PTPDC1: variants seen among roughly 807,000 people sequenced by gnomAD.
PTPDC1 encodes protein tyrosine phosphatase domain-containing protein 1.
In PTPDC1, 53 loss-of-function variants were observed where a neutral mutation model predicts 75.3. That is an observed-to-expected ratio of 0.70 (90% CI 0.56 to 0.88). The LOEUF (loss-of-function observed/expected upper bound fraction) is 0.88, where lower values mean the gene tolerates loss of function less well. Among genes scored for constraint, PTPDC1 ranks in the 40% least tolerant of loss-of-function variants. The pLI, the probability that PTPDC1 is intolerant of heterozygous loss-of-function variation, is 0.00. For synonymous variants in PTPDC1, 349 were observed against 366.2 expected (o/e 0.95, Z 0.54); for missense variants, 925 against 998.6 (o/e 0.93, Z 0.99).
chr9:94,031,892 T>C (rs1259215446), intron 1 of PTPDC1, among the ~76,000 whole-genome samples: 1 of 152,192 alleles, frequency 6.6e-6, no homozygotes, highest in African/African-American at 2.4e-5. Flanking sequence ...ATACTAGCAT[T>C]CATAGATTGA....
upstream of PTPDC1, among the ~76,000 whole-genome samples, chr9:94,082,747 C>A (rs1239956190): frequency 6.6e-6 from 1 of 152,146 alleles, no homozygotes; most frequent in African/African-American, 2.4e-5. Flanking sequence ...CACAGGGTCA[C>A]TGACTGTACG....
In PTPDC1 at chr9:94,098,304, C is replaced by T; in HGVS notation, c.1738C>T (p.Gln580Ter). ...TGCTCACCAGCAAGTGTCTCACTGT[C>T]AGTGTAAAACTCATGGTGTTGGGAG... Reference protein sequence around the residue: ...NPAHQQVSHCQCKTHGVGSPG... With the variant: ...NPAHQQVSHC The change falls in exon 6 of 9, where the codon CAG becomes TAG. Residue 580 changes from glutamine (Q) to a stop codon, truncating the protein, a stop_gained. Transcript: ENST00000620992. LOFTEE classifies it high-confidence loss of function. 6.2e-7 allele frequency: 1 copy of T among 1,614,240 alleles called. No individual in the cohort carries two copies. Among genetic ancestry groups the T allele is most frequent in the Non-Finnish European group, 8.5e-7 (1 of 1,180,052 alleles).
chr9:94,077,635 C>A (rs539357203), intron 2 of PTPDC1, among the ~76,000 whole-genome samples: 39 of 152,272 alleles, frequency 2.6e-4, no homozygotes, highest in Non-Finnish European at 4.4e-4. Context: ...CCCAAGTGTG[C>A]CACCCTCCAG....
rs1307488353 is a variant in PTPDC1 at position 94,045,553 on chromosome 9, G to A, written c.-7+14426G>A. ...TCGCCATTCTAACTGGTGTGAGATGGTATCTCATTGTGGTTTTGATTTGCA... is the reference window on the plus strand; with the variant it reads ...TCGCCATTCTAACTGGTGTGAGATGATATCTCATTGTGGTTTTGATTTGCA... On this transcript the variant is annotated intron_variant, in intron 1 of 9. Transcript: ENST00000375360. Among the ~76,000 whole-genome samples, 4 of 152,146 alleles carry A rather than the reference G, an allele frequency of 2.6e-5. 1 individual carries two copies. In the Middle Eastern group the frequency reaches 0.01, roughly 391 times the overall value.
chr9:94,031,254 A>G (rs1226297053), intron 1 of PTPDC1: 4 of 152,150 alleles, frequency 2.6e-5, no homozygotes, highest in Admixed American at 6.5e-5. Flanking sequence ...GCTTGAAACT[A>G]AAGTTTAAAG....
Position 94,085,383 on chromosome 9 carries a change from G to C in PTPDC1, c.377G>C (p.Ser126Thr). Residue 126 changes from serine to threonine, a missense_variant, in exon 2 of 9, where the codon AGT becomes ACT. Coordinates refer to ENST00000620992, the MANE Select transcript of PTPDC1 (RefSeq NM_001253829.2). ...AAGTATGAGAACCCAGCCCGCTGGAGTGAGCAGGAGCAAGCCATTAAGGGG... is the reference window on the plus strand; with the variant it reads ...AAGTATGAGAACCCAGCCCGCTGGACTGAGCAGGAGCAAGCCATTAAGGGG... ...ACKYENPARW[S>T]EQEQAIKGVY... 6.2e-7 allele frequency: 1 copy of C among 1,614,222 alleles called. No homozygotes were observed. The highest frequency in any genetic ancestry group is 8.5e-7 in the Non-Finnish European group (1 of 1,180,044).
chr9:94,083,906 T>C (rs1341634396), upstream of PTPDC1, among the ~76,000 whole-genome samples: 3 of 152,190 alleles, frequency 2.0e-5, no homozygotes, highest in Non-Finnish European at 4.4e-5. Flanking sequence ...ATATCACCTC[T>C]AAAAATGTCT....
At chr9:94,083,521 C>T (rs60329608), upstream of PTPDC1, among the ~76,000 whole-genome samples, 3,232 of 152,198 alleles carry the variant, frequency 0.021, 115 homozygotes, top group African/African-American at 0.073. Flanking sequence ...TGTGCACACA[C>T]ATCTGAAATA....
upstream of PTPDC1, among the ~76,000 whole-genome samples, chr9:94,081,881 G>A (rs74725428): frequency 0.025 from 3,877 of 152,238 alleles, 161 homozygotes; most frequent in African/African-American, 0.089. Context: ...TTCTGTCTTC[G>A]GATATTTGAA....
intron 1 of PTPDC1, among the ~76,000 whole-genome samples, chr9:94,053,103 T>C (rs1471515963): frequency 6.6e-6 from 1 of 152,212 alleles, no homozygotes; most frequent in South Asian, 2.1e-4. Flanking sequence ...GCAGAGTTCC[T>C]GCTGAAGTGT....
At chr9:94,096,105 G>T (rs1200963468) in intron 5 of PTPDC1, among the ~76,000 whole-genome samples, 2 of 152,200 alleles carry the variant, frequency 1.3e-5, no homozygotes, top group African/African-American at 4.8e-5. Context: ...ACATTCAGCT[G>T]AATTTCATTA....
At position 94,087,740 on chromosome 9, in the gene PTPDC1, G is replaced by GA. The variant is rs371926853; in HGVS notation, c.417-85dup. On this transcript the variant is annotated intron_variant, in intron 2 of 8. Coordinates refer to ENST00000620992, the MANE Select transcript of PTPDC1 (RefSeq NM_001253829.2). Reference sequence around the variant, plus strand: ...TTCTAACAGAGTTGTTGAAATCATAGAAAAAATCATCTCTCAGGACTGGAA... The same window carrying GA: ...TTCTAACAGAGTTGTTGAAATCATAGAAAAAAATCATCTCTCAGGACTGGAA... The GA allele has an allele frequency of 4.8e-4, 400 of 835,900 alleles. 1 individual carries two copies. In the African/African-American group the frequency reaches 5.5e-3, roughly 11 times the overall value. The allele number at this position is 835,900 out of a possible 1,614,324, so 51.8% of individuals were successfully genotyped here.
At chr9:94,038,513 T>G (rs1825342473) in intron 1 of PTPDC1, among the ~76,000 whole-genome samples, 1 of 152,236 alleles carries the variant, frequency 6.6e-6, no homozygotes, top group Non-Finnish European at 1.5e-5. Flanking sequence ...GTTAAATGAA[T>G]ATGTTCAGTG....
chr9:94,038,184 C>T, intron 1 of PTPDC1: 1 of 710,172 alleles, frequency 1.4e-6, no homozygotes, highest in Non-Finnish European at 2.6e-6. Flanking sequence ...TACACAGACG[C>T]CAATAAAAAC....
chr9:94,074,286 A>T (rs1251303723), intron 2 of PTPDC1, among the ~76,000 whole-genome samples: 1 of 152,150 alleles, frequency 6.6e-6, no homozygotes, highest in African/African-American at 2.4e-5. Context: ...GCCTCAGTCC[A>T]GATGACGAAG....
chr9:94,102,341 ATATTT>A lies in PTPDC1; in HGVS notation c.2199+594_2199+598del, dbSNP rs532024560. Among the ~76,000 whole-genome samples the A allele has an allele frequency of 1.4e-3, 206 of 151,390 alleles. 2 individuals carry two copies. Among genetic ancestry groups the A allele is most frequent in the African/African-American group, 4.8e-3 (200 of 41,408 alleles). On this transcript the variant is annotated intron_variant, in intron 7 of 8. Transcript: ENST00000620992. ...TATTTGTAAAATATAGATGTTTTCT[ATATTT>A]TATATATAAAAGATATATGTTTAAA...
At chr9:94,045,792 G>C (rs921728645) in intron 1 of PTPDC1, among the ~76,000 whole-genome samples, 4 of 151,326 alleles carry the variant, frequency 2.6e-5, no homozygotes, top group African/African-American at 9.7e-5. Context: ...CATTCTGTAG[G>C]TTGCCTGTTC....
intron 1 of PTPDC1, among the ~76,000 whole-genome samples, chr9:94,058,076 C>G (rs1826001163): frequency 6.6e-6 from 1 of 152,164 alleles, no homozygotes; most frequent in African/African-American, 2.4e-5. Context: ...TCCCTGGGGG[C>G]AGTTTCCAGG....
chr9:94,033,131 G>T (rs1273128753), intron 1 of PTPDC1, among the ~76,000 whole-genome samples: 1 of 152,070 alleles, frequency 6.6e-6, no homozygotes, highest in East Asian at 1.9e-4. Context: ...AAAGTGCTGG[G>T]ATTACAGCTA....
Sources: allele counts gnomAD v4.1 joint callset (sites outside exome capture counted in the v4.1 genomes callset), GRCh38; gene constraint gnomAD v4.1.1; transcripts MANE v1.5; gene names NCBI Gene and HGNC (gene_info 2026-07-23, HGNC 2026-07-21).